Variants in UBA6 observed in about 807,000 individuals in gnomAD.
UBA6 encodes ubiquitin-like modifier-activating enzyme 6.
A neutral mutation model predicts 148.3 loss-of-function variants in UBA6; 87 were observed. That is an observed-to-expected ratio of 0.59 (90% CI 0.49 to 0.70). The LOEUF is 0.70. Ranked by LOEUF, UBA6 falls within the 30% of genes least tolerant of loss-of-function variation. UBA6 has a pLI of 0.00. For synonymous variants in UBA6, 376 were observed against 401.0 expected (o/e 0.94, Z 0.75); for missense variants, 1,186 against 1,241.2 (o/e 0.96, Z 0.67).
rs1240779314 is a variant in UBA6 at position 67,615,064 on chromosome 4, CAAG to C, written c.*3930_*3932del. 6.6e-6 allele frequency: 1 copy of C among 152,124 alleles called. No individual in the cohort carries two copies. The highest frequency in any genetic ancestry group is 2.4e-5 in the African/African-American group (1 of 41,404). The allele number at this position is 152,124 out of a possible 1,614,324, so 9.4% of individuals were successfully genotyped here. A position where few individuals can be genotyped will look rare whatever the true frequency, so the allele number is the denominator to read the frequency against. Reference sequence around the variant, plus strand: ...AAAAACTGTTAACACCAGCACTGACCAAGATATGGAGAAATATGGTTTGGATAT... The same window carrying C: ...AAAAACTGTTAACACCAGCACTGACCATATGGAGAAATATGGTTTGGATAT... On this transcript the variant is annotated 3_prime_UTR_variant, in exon 33 of 33. Transcript: ENST00000322244.
At chr4:67,645,441 A>T (rs904958126) in intron 16 of UBA6, among the ~76,000 whole-genome samples, 3 of 152,158 alleles carry the variant, frequency 2.0e-5, no homozygotes, top group Non-Finnish European at 4.4e-5. Flanking sequence ...TCTATTGAAA[A>T]TACAAAAATT....
At chr4:67,641,619 A>C (rs1335837751) in intron 17 of UBA6, among the ~76,000 whole-genome samples, 1 of 152,186 alleles carries the variant, frequency 6.6e-6, no homozygotes, top group Non-Finnish European at 1.5e-5. Flanking sequence ...ATATGTATCA[A>C]TTTGAAAGGA....
chr4:67,663,356 T>C (rs1729911801), intron 11 of UBA6, 141 bp from the exon 12 acceptor site: 2 of 551,382 alleles, frequency 3.6e-6, no homozygotes, highest in Non-Finnish European at 6.5e-6. Flanking sequence ...ATTTAACAAA[T>C]AAGAAACCTG....
intron 28 of UBA6, among the ~76,000 whole-genome samples, chr4:67,625,947 TTC>T (rs987189891): frequency 1.3e-5 from 2 of 151,930 alleles, no homozygotes; most frequent in African/African-American, 4.8e-5. Flanking sequence ...CTAAGAATAT[TTC>T]TGTTTATAGT....
chr4:67,682,057 G>A (rs1730453848), intron 3 of UBA6, 62 bp downstream of exon 3: 2 of 1,243,500 alleles, frequency 1.6e-6, no homozygotes, highest in Non-Finnish European at 2.4e-6. Context: ...ATGAAGTTAA[G>A]TTATTTAAAC....
intron 2 of UBA6, among the ~76,000 whole-genome samples, chr4:67,682,788 G>C (rs1470823919): frequency 2.0e-5 from 3 of 152,110 alleles, no homozygotes; most frequent in Non-Finnish European, 4.4e-5. Context: ...GTGTTTATCT[G>C]AAAGAACAAT....
rs372867337 is a variant in UBA6, at chr4:67,678,498, T to C, written c.294A>G (p.Ala98=). 1.3e-5 allele frequency: 21 copies of C among 1,597,872 alleles called. No individual in the cohort carries two copies. The highest frequency in any genetic ancestry group is 1.7e-5 in the Non-Finnish European group (20 of 1,170,536). ...GAAAGAAGTTGGTTCCTAGATCCCA[T>C]GCTTGGCATTTTTCTGTATCATGAA... ...VTIHDTEKCQ[A]WDLGTNFFLS... The change falls in exon 5 of 33, where the codon GCA becomes GCG. Residue 98 remains alanine, a synonymous_variant. Transcript: ENST00000322244.
intron 7 of UBA6, among the ~76,000 whole-genome samples, chr4:67,672,540 A>G (rs577818469): frequency 1.3e-3 from 193 of 152,264 alleles, no homozygotes; most frequent in African/African-American, 4.3e-3. Context: ...TAAAAATATA[A>G]AACAGATTAA....
At chr4:67,693,727 C>T (rs908173705) in intron 2 of UBA6, among the ~76,000 whole-genome samples, 9 of 152,048 alleles carry the variant, frequency 5.9e-5, no homozygotes, top group African/African-American at 1.9e-4. Context: ...TGAAAGAGAA[C>T]GGAGAGAAAA....
rs1728600888 is a variant in UBA6 at position 67,615,135 on chromosome 4, T to TG, written c.*3861dup. 1 of 152,220 alleles carries TG rather than the reference T, an allele frequency of 6.6e-6. No homozygotes were observed. Among genetic ancestry groups the TG allele is most frequent in the Admixed American group, 6.5e-5 (1 of 15,286 alleles). 9.4% of individuals were successfully genotyped at this position (152,220 alleles called of 1,614,324 possible). The stretch of plus-strand genomic sequence containing the variant: ...CATGTTGAAATGTGATCCCCAGTGT[T>TG]GGAGGTGAGGGCTGGTGGGAGGTGT... On this transcript the variant is annotated 3_prime_UTR_variant, in exon 33 of 33. Coordinates refer to ENST00000322244, the MANE Select transcript of UBA6 (RefSeq NM_018227.6).
chr4:67,633,623 C>T (rs1729053441), intron 22 of UBA6, 150 bp from the exon 23 acceptor site: 6 of 625,022 alleles, frequency 9.6e-6, no homozygotes, highest in South Asian at 3.3e-5. Flanking sequence ...CTTCCTTCTT[C>T]TTTAACCTTT....
At chr4:67,638,039 T>G (rs1423533585) in intron 19 of UBA6, 1 of 152,146 alleles carries the variant, frequency 6.6e-6, no homozygotes, top group Admixed American at 6.6e-5. Context: ...ATAGGTAGAT[T>G]AGAGATCAGG....
intron 20 of UBA6, among the ~76,000 whole-genome samples, chr4:67,634,742 ATTAT>A (rs1347657411): frequency 6.6e-6 from 1 of 152,050 alleles, no homozygotes; most frequent in African/African-American, 2.4e-5. Flanking sequence ...AATCTTATTT[ATTAT>A]TTGTGTACTC....
At chr4:67,629,798 A>T (rs1728954084) in intron 26 of UBA6, among the ~76,000 whole-genome samples, 1 of 152,056 alleles carries the variant, frequency 6.6e-6, no homozygotes, top group African/African-American at 2.4e-5. Flanking sequence ...TCCAAAAAGG[A>T]TTAATCTAAA....
chr4:67,641,309 G>T, intron 17 of UBA6, 81 bp from the exon 18 acceptor site: 1 of 840,892 alleles, frequency 1.2e-6, no homozygotes. Flanking sequence ...GACTAAAAAA[G>T]TCCTGACAAA....
At chr4:67,663,684 A>G in intron 11 of UBA6, 1 of 511,274 alleles carries the variant, frequency 2.0e-6, no homozygotes, top group East Asian at 3.1e-5. Context: ...TTACTTTATC[A>G]TTTTTTTCTA....
intron 6 of UBA6, among the ~76,000 whole-genome samples, chr4:67,676,693 G>A (rs1248508616): frequency 1.3e-5 from 2 of 152,150 alleles, no homozygotes; most frequent in Admixed American, 6.5e-5. Context: ...AGTACCTACA[G>A]ATAACAGTTC....
chr4:67,678,691 T>C (rs183122142), intron 4 of UBA6, among the ~76,000 whole-genome samples, 158 bp from the exon 5 acceptor site: 9 of 152,208 alleles, frequency 5.9e-5, no homozygotes, highest in Non-Finnish European at 1.0e-4. Flanking sequence ...ATGTTCAACC[T>C]TGCCCAGAAA....
chr4:67,655,231 A>G (rs1167568254), intron 13 of UBA6, among the ~76,000 whole-genome samples: 1 of 152,210 alleles, frequency 6.6e-6, no homozygotes, highest in Non-Finnish European at 1.5e-5. Context: ...AATCAACAAA[A>G]TATACATTCT....
Sources: gnomAD v4.1 joint callset for allele counts (sites outside exome capture counted in the v4.1 genomes callset) on GRCh38, gnomAD v4.1.1 for gene constraint, MANE v1.5 for transcripts, NCBI Gene and HGNC (gene_info 2026-07-23, HGNC 2026-07-21) for gene names.